EYA1: variants seen among roughly 807,000 people sequenced by gnomAD.
EYA1 encodes protein phosphatase EYA1.
In EYA1, 16 loss-of-function variants were observed where a neutral mutation model predicts 82.0. The ratio of observed to expected loss-of-function variants is 0.20; its 90% CI spans 0.13 to 0.30. The LOEUF is 0.30. Ranked by LOEUF, EYA1 falls within the 10% of genes least tolerant of loss-of-function variation. The pLI is 1.00. For synonymous variants in EYA1, 261 were observed against 264.4 expected, an observed-to-expected ratio of 0.99 and a Z score of 0.12; for missense variants, 633 against 730.7, an observed-to-expected ratio of 0.87 and a Z score of 1.54.
chr8:71,236,691 C>T (rs528789707), intron 12 of EYA1, among the ~76,000 whole-genome samples: 2 of 152,206 alleles, frequency 1.3e-5, no homozygotes, highest in African/African-American at 4.8e-5. Flanking sequence ...TAAGCTTCAC[C>T]TGGCTCCTCC....
chr8:71,356,168 C>T (rs930968744), intron 2 of EYA1, among the ~76,000 whole-genome samples: 4 of 152,306 alleles, frequency 2.6e-5, no homozygotes, highest in Non-Finnish European at 4.4e-5. Context: ...CCCAAATATT[C>T]TGAATTCAAA....
chr8:71,483,138 C>T (rs1810301113), intron 2 of EYA1, among the ~76,000 whole-genome samples: 1 of 152,168 alleles, frequency 6.6e-6, no homozygotes. Flanking sequence ...TTTGGCCACT[C>T]CAACCCTTCT....
At chr8:71,332,603 C>T (rs986333431) in intron 4 of EYA1, among the ~76,000 whole-genome samples, 27 of 152,188 alleles carry the variant, frequency 1.8e-4, no homozygotes, top group Admixed American at 1.7e-3. Context: ...TCCCTGATTT[C>T]TCCACTTCAG....
chr8:71,377,326 C>A (rs1828432464), intron 2 of EYA1, among the ~76,000 whole-genome samples: 1 of 152,130 alleles, frequency 6.6e-6, no homozygotes, highest in Non-Finnish European at 1.5e-5. Flanking sequence ...CTAGCCCCAG[C>A]CACCATTTGA....
intron 12 of EYA1, among the ~76,000 whole-genome samples, chr8:71,218,893 A>AAAAGGAGGAGGAAGTTG (rs1809540447): frequency 6.8e-6 from 1 of 147,430 alleles, no homozygotes; most frequent in Non-Finnish European, 1.5e-5. Context: ...AGAATGAACA[A>AAAAGGAGGAGGAAGTTG]AAAGGAGGAG....
intron 2 of EYA1, among the ~76,000 whole-genome samples, chr8:71,447,167 C>T (rs1481684226): frequency 6.6e-6 from 1 of 151,594 alleles, no homozygotes; most frequent in Admixed American, 6.6e-5. Context: ...CTCTCTTTAT[C>T]TTTTATCACT....
rs780483424 is a variant in EYA1 at position 71,354,856 on chromosome 8, C to T, written c.50G>A (p.Ser17Asn). 6.2e-7 allele frequency: 1 copy of T among 1,613,726 alleles called. No homozygotes were observed. The highest frequency in any genetic ancestry group is 2.2e-5 in the East Asian group (1 of 44,854). The change falls in exon 3 of 18, where the codon AGT becomes AAT. Residue 17 changes from serine (S) to asparagine (N), a missense_variant. Coordinates refer to ENST00000340726, the MANE Select transcript of EYA1 (RefSeq NM_000503.6). ...GAGTTTGGGGCCACTGGGGGATTCA[C>T]TACTACCACTCAGACGGCTATGCGG... Reference protein sequence around the residue: ...TSPHSRLSGSSESPSGPKLGN... With the variant: ...TSPHSRLSGSNESPSGPKLGN...
At chr8:71,223,478 A>G (rs975159823) in intron 12 of EYA1, among the ~76,000 whole-genome samples, 2 of 152,228 alleles carry the variant, frequency 1.3e-5, no homozygotes, top group African/African-American at 4.8e-5. Context: ...GCTAACAGTC[A>G]TCTAACTACT....
intron 9 of EYA1, among the ~76,000 whole-genome samples, chr8:71,292,750 A>C (rs186021775): frequency 6.6e-6 from 1 of 152,182 alleles, no homozygotes; most frequent in Admixed American, 6.5e-5. Context: ...GAAGTAAATG[A>C]AAATGAAAAA....
chr8:71,492,532 T>C (rs1446750181), intron 2 of EYA1, among the ~76,000 whole-genome samples: 2 of 151,606 alleles, frequency 1.3e-5, no homozygotes, highest in African/African-American at 4.8e-5. Flanking sequence ...TCGCGTGATC[T>C]CAGCTCACTG....
chr8:71,210,590 T>C (rs78273700), intron 17 of EYA1, among the ~76,000 whole-genome samples: 2 of 152,296 alleles, frequency 1.3e-5, no homozygotes, highest in East Asian at 1.9e-4. Flanking sequence ...AAGAATATAA[T>C]GAACAGCAAT....
intron 4 of EYA1, among the ~76,000 whole-genome samples, chr8:71,326,171 A>G (rs578254263): frequency 6.6e-5 from 10 of 152,296 alleles, no homozygotes; most frequent in African/African-American, 2.2e-4. Flanking sequence ...GAGGAGAATC[A>G]AAAATGAATA....
intron 2 of EYA1, among the ~76,000 whole-genome samples, chr8:71,492,306 T>C (rs1453388643): frequency 6.6e-6 from 1 of 152,184 alleles, no homozygotes; most frequent in Non-Finnish European, 1.5e-5. Context: ...CAGTTACTTT[T>C]GAAAACTATC....
chr8:71,370,325 A>C (rs763679565), intron 2 of EYA1, among the ~76,000 whole-genome samples: 1 of 150,430 alleles, frequency 6.6e-6, no homozygotes, highest in African/African-American at 2.5e-5. Flanking sequence ...AAAGTTAGTT[A>C]GCTGGTCTAT....
intron 11 of EYA1, among the ~76,000 whole-genome samples, chr8:71,255,246 C>T (rs1814260497): frequency 6.6e-6 from 1 of 152,098 alleles, no homozygotes; most frequent in Non-Finnish European, 1.5e-5. Context: ...ACAGAAAACT[C>T]CATTTTGAAG....
intron 9 of EYA1, among the ~76,000 whole-genome samples, chr8:71,280,429 C>T (rs772733060): frequency 1.6e-4 from 24 of 152,300 alleles, no homozygotes; most frequent in Admixed American, 4.6e-4. Context: ...ACAGATATTT[C>T]TAACAAACCC....
At chr8:71,410,842 C>T (rs1830551629) in intron 2 of EYA1, among the ~76,000 whole-genome samples, 1 of 127,586 alleles carries the variant, frequency 7.8e-6, no homozygotes. Flanking sequence ...CCCCATCAAG[C>T]TACCAATGAC....
In EYA1 at chr8:71,219,611, A is replaced by ATGT. The variant is rs1455586763; in HGVS notation, c.1141-2591_1141-2589dup. 6.6e-5 allele frequency among the ~76,000 whole-genome samples: 10 copies of ATGT among 152,328 alleles called. No individual in the cohort carries two copies. In the East Asian group the frequency reaches 1.9e-3, roughly 29 times the overall value. On this transcript the variant is annotated intron_variant, in intron 12 of 17. Coordinates refer to ENST00000340726, the MANE Select transcript of EYA1 (RefSeq NM_000503.6). ...AATGACATAAAATGCCTTGGGAGGT[A>ATGT]TGTTTTTAAAAAATTGTTTTAAATC...
intron 2 of EYA1, among the ~76,000 whole-genome samples, chr8:71,356,196 T>A (rs1252999325): frequency 6.6e-6 from 1 of 152,168 alleles, no homozygotes; most frequent in South Asian, 2.1e-4. Context: ...TGGTCTAAAA[T>A]CCAATTTTTC....
Sources: allele counts gnomAD v4.1 joint callset (sites outside exome capture counted in the v4.1 genomes callset), GRCh38; gene constraint gnomAD v4.1.1; transcripts MANE v1.5; gene names NCBI Gene and HGNC (gene_info 2026-07-23, HGNC 2026-07-21).